Variants in OCA2 observed in about 807,000 individuals in gnomAD.
OCA2 encodes OCA2 melanosomal transmembrane protein.
In OCA2, 77 loss-of-function variants were observed where a neutral mutation model predicts 100.2. That is an observed-to-expected ratio of 0.77 (90% CI 0.64 to 0.93). OCA2 has a LOEUF of 0.93. OCA2 is among the 40% of genes least tolerant of loss of function. The probability of loss-of-function intolerance (pLI) is 0.00; values close to 1 mark genes in which losing one functional copy is unlikely to be tolerated. For synonymous variants in OCA2, 432 were observed against 439.2 expected (o/e 0.98, Z 0.21); for missense variants, 1,062 against 1,089.1 (o/e 0.98, Z 0.35).
At chr15:28,010,936 T>C (rs1306187146) in intron 9 of OCA2, among the ~76,000 whole-genome samples, 1 of 152,190 alleles carries the variant, frequency 6.6e-6, no homozygotes, top group Non-Finnish European at 1.5e-5. Context: ...TGTCCAAACT[T>C]ACACCTGCAG....
At chr15:27,788,005 G>T (rs1036617548) in intron 23 of OCA2, among the ~76,000 whole-genome samples, 1 of 151,778 alleles carries the variant, frequency 6.6e-6, no homozygotes, top group Non-Finnish European at 1.5e-5. Flanking sequence ...GAAGTGAGCT[G>T]TCTAATTTCC....
downstream of OCA2, among the ~76,000 whole-genome samples, chr15:27,753,157 T>C (rs3893201): frequency 0.15 from 23,187 of 151,898 alleles, 2,445 homozygotes; most frequent in East Asian, 0.58. Context: ...GAATTTAAAA[T>C]GTCCTAGGCC....
At chr15:27,972,196 G>A (rs1188424604) in intron 14 of OCA2, among the ~76,000 whole-genome samples, 1 of 152,156 alleles carries the variant, frequency 6.6e-6, no homozygotes, top group African/African-American at 2.4e-5. Context: ...GTGTGTGGGT[G>A]TATATACACG....
chr15:27,909,777 T>G (rs2038316282), intron 19 of OCA2, among the ~76,000 whole-genome samples: 1 of 152,194 alleles, frequency 6.6e-6, no homozygotes, highest in African/African-American at 2.4e-5. Context: ...GATTTAAATG[T>G]AAAATAAGAT....
intron 19 of OCA2, among the ~76,000 whole-genome samples, chr15:27,882,695 A>T (rs781659337): frequency 4.8e-5 from 7 of 146,794 alleles, no homozygotes; most frequent in South Asian, 2.1e-4. Context: ...GGAGATTATT[A>T]TTTTTTTTTA....
chr15:27,780,844 T>G (rs1159444077), intron 23 of OCA2, among the ~76,000 whole-genome samples: 2 of 152,172 alleles, frequency 1.3e-5, no homozygotes, highest in Non-Finnish European at 2.9e-5. Flanking sequence ...CAAAAATGAT[T>G]TTAGCTACTT....
At chr15:27,818,279 C>T (rs1320275252) in intron 23 of OCA2, among the ~76,000 whole-genome samples, 1 of 152,106 alleles carries the variant, frequency 6.6e-6, no homozygotes, top group Non-Finnish European at 1.5e-5. Context: ...ATCCCAGTTA[C>T]TCGGGAGGCT....
rs568571177 is a variant in OCA2 at position 28,028,656 on chromosome 15, G to A, written c.327-597C>T. 2.6e-5 allele frequency among the ~76,000 whole-genome samples: 4 copies of A among 152,164 alleles called. No individual in the cohort carries two copies. The South Asian group carries it at 6.2e-4, about 24-fold the overall frequency. ...CTCAGAATTACTTGAAAACACATCC[G>A]TTTACTTTTGGGATTTTTGTTGTTG... is the stretch of plus-strand genomic sequence containing the variant. On this transcript the variant is annotated intron_variant, in intron 3 of 23. Coordinates refer to ENST00000354638, the MANE Select transcript of OCA2 (RefSeq NM_000275.3).
Position 27,755,433 on chromosome 15 carries a change from C to G in OCA2, c.2472G>C (p.Gly824=), listed in dbSNP as rs751149703. 6.2e-7 allele frequency: 1 copy of G among 1,613,982 alleles called. No individual in the cohort carries two copies. The highest frequency in any genetic ancestry group is 8.5e-7 in the Non-Finnish European group (1 of 1,179,868). ...CATGAGCCACAAGGAGATAACACATCCCAACAGTGCAGGACACAACCATCA... is the reference window on the plus strand; with the variant it reads ...CATGAGCCACAAGGAGATAACACATGCCAACAGTGCAGGACACAACCATCA... ...FPMMVVSCTV[G]MCYLLVAHVV... The change falls in exon 24 of 24, where the codon GGG becomes GGC. Residue 824 remains glycine, a synonymous_variant. Transcript: ENST00000354638.
chr15:27,832,191 C>T lies in OCA2; in HGVS notation c.2432+12768G>A, dbSNP rs117910850. ...TTTGAGTTTTCATCCCCTCATGGCTCACATCCACGTTGTCCACCTCCAAAC... is the reference window on the plus strand; with the variant it reads ...TTTGAGTTTTCATCCCCTCATGGCTTACATCCACGTTGTCCACCTCCAAAC... On this transcript the variant is annotated intron_variant, in intron 23 of 23. Coordinates refer to ENST00000354638, the MANE Select transcript of OCA2 (RefSeq NM_000275.3). Among the ~76,000 whole-genome samples the T allele has an allele frequency of 3.9e-4, 60 of 152,288 alleles. 1 individual carries two copies. In the East Asian group the frequency reaches 0.011, roughly 29 times the overall value.
In OCA2 at chr15:27,957,829, GC is replaced by G; in HGVS notation, c.1637-95del. ...CCCCACACAGTCGATGCCTGACAGA[GC>G]AGACACACACTCGAGACGTGCAGGT... On this transcript the variant is annotated intron_variant, in intron 15 of 23. Coordinates refer to ENST00000354638, the MANE Select transcript of OCA2 (RefSeq NM_000275.3). The surrounding 1 kb of genome is among the most constrained non-coding windows in gnomAD (Gnocchi z 4.3). The G allele has an allele frequency of 9.6e-6, 14 of 1,461,500 alleles. No individual in the cohort carries two copies. The highest frequency in any genetic ancestry group is 1.2e-5 in the Non-Finnish European group (13 of 1,054,512). The allele number at this position is 1,461,500 out of a possible 1,614,324, so 90.5% of individuals were successfully genotyped here.
At chr15:27,733,323 C>G in the OCA2 span, among the ~76,000 whole-genome samples, 13 of 152,338 alleles carry the variant, frequency 8.5e-5, no homozygotes, top group South Asian at 2.5e-3. Flanking sequence ...CATTTCACCG[C>G]CCCTGTGGTC....
chr15:27,905,499 G>A (rs1237345943), intron 19 of OCA2, among the ~76,000 whole-genome samples: 1 of 152,208 alleles, frequency 6.6e-6, no homozygotes, highest in Non-Finnish European at 1.5e-5. Flanking sequence ...ACCAGAACGG[G>A]CCAGGGGGAA....
chr15:28,001,949 C>T (rs1400279429), intron 9 of OCA2, among the ~76,000 whole-genome samples: 1 of 152,190 alleles, frequency 6.6e-6, no homozygotes, highest in Non-Finnish European at 1.5e-5. Context: ...CCGAGAGCTG[C>T]CGGGCTCACG....
intron 19 of OCA2, among the ~76,000 whole-genome samples, chr15:27,897,462 C>T (rs1597198): frequency 0.31 from 47,494 of 152,076 alleles, 7,891 homozygotes; most frequent in East Asian, 0.56. Context: ...AGAGCTCGGG[C>T]TGTTGCTTCA....
At chr15:27,905,020 CG>C (rs1391290805) in intron 19 of OCA2, among the ~76,000 whole-genome samples, 8 of 152,102 alleles carry the variant, frequency 5.3e-5, no homozygotes, top group African/African-American at 1.9e-4. Context: ...AAAAATTAGC[CG>C]GGCGTGGTGG....
intron 23 of OCA2, among the ~76,000 whole-genome samples, chr15:27,836,113 C>T (rs962113664): frequency 6.6e-6 from 1 of 152,182 alleles, no homozygotes; most frequent in African/African-American, 2.4e-5. Flanking sequence ...TCCTGCCCCA[C>T]TCATTGTAAC....
chr15:27,930,798 G>C, intron 18 of OCA2, among the ~76,000 whole-genome samples: 1 of 151,754 alleles, frequency 6.6e-6, no homozygotes, highest in Non-Finnish European at 1.5e-5. Context: ...GCAGGGGTCT[G>C]ACACTTCATC....
At chr15:27,825,058 G>A (rs543546549) in intron 23 of OCA2, among the ~76,000 whole-genome samples, 52 of 152,266 alleles carry the variant, frequency 3.4e-4, no homozygotes, top group Middle Eastern at 3.4e-3. Flanking sequence ...ATGGGCAATC[G>A]TTACATTATC....
Sources: gnomAD v4.1 joint callset for allele counts (sites outside exome capture counted in the v4.1 genomes callset) on GRCh38, gnomAD v4.1.1 for gene constraint, Gnocchi (gnomAD v3.1) non-coding constraint, MANE v1.5 for transcripts, NCBI Gene and HGNC (gene_info 2026-07-23, HGNC 2026-07-21) for gene names.